The following TEAD4 variants were observed in gnomAD, a reference collection of about 807,000 sequenced individuals.
TEAD4 encodes the protein TEA domain transcription factor 4.
TEAD4 carries 36 observed loss-of-function variants against 52.4 expected under a neutral mutation model. The observed-to-expected ratio is 0.69, with a 90% confidence interval of 0.53 to 0.91. The LOEUF (loss-of-function observed/expected upper bound fraction) is 0.91, where lower values mean the gene tolerates loss of function less well. TEAD4 is among the 40% of genes least tolerant of loss of function. TEAD4 has a pLI of 0.00. For missense variants in TEAD4, 508 were observed against 583.9 expected, an observed-to-expected ratio of 0.87 and a Z score of 1.34; for synonymous variants, 220 against 231.0, an observed-to-expected ratio of 0.95 and a Z score of 0.43.
intron 2 of TEAD4, among the ~76,000 whole-genome samples, chr12:2,976,850 A>G (rs945749989): frequency 7.2e-5 from 11 of 152,104 alleles, no homozygotes; most frequent in African/African-American, 2.4e-4. Context: ...GGCCTGCAGC[A>G]TTTAGGAATC....
intron 3 of TEAD4, among the ~76,000 whole-genome samples, chr12:3,002,758 T>C (rs945388511): frequency 1.3e-5 from 2 of 151,922 alleles, no homozygotes; most frequent in Non-Finnish European, 2.9e-5. Context: ...CGGGGGAGCA[T>C]GACTAGGACA....
At chr12:3,005,360 C>T (rs998899741) in intron 3 of TEAD4, among the ~76,000 whole-genome samples, 2 of 152,220 alleles carry the variant, frequency 1.3e-5, no homozygotes, top group Non-Finnish European at 2.9e-5. Flanking sequence ...GTGGTGTGAT[C>T]ACAGCTCACT....
chr12:3,000,948 C>T (rs994111954), intron 3 of TEAD4, among the ~76,000 whole-genome samples: 6 of 152,160 alleles, frequency 3.9e-5, no homozygotes, highest in South Asian at 4.1e-4. Context: ...TCCTGCCCCC[C>T]GCTTCTTCAC....
chr12:2,971,580 A>AGT, intron 2 of TEAD4, among the ~76,000 whole-genome samples: 1 of 147,634 alleles, frequency 6.8e-6, no homozygotes. Flanking sequence ...GGTTCATGCC[A>AGT]TTCTCCCGCC....
At position 2,974,087 on chromosome 12, in the gene TEAD4, A is replaced by G. The variant is rs558411305; in HGVS notation, c.-30+14047A>G. On this transcript the variant is annotated intron_variant, in intron 2 of 12. Transcript: ENST00000359864. The stretch of plus-strand genomic sequence containing the variant: ...TAGTGTCACGATCTTGGCTCACTGC[A>G]GCCTCTGTCTCCCAGGTTTTCAAGG... Among the ~76,000 whole-genome samples, 83 of 152,240 alleles carry G rather than the reference A, an allele frequency of 5.5e-4. 1 individual carries two copies. Among genetic ancestry groups the G allele is most frequent in the African/African-American group, 1.8e-3 (76 of 41,554 alleles).
chr12:3,010,087 C>T (rs1192188798), intron 3 of TEAD4, among the ~76,000 whole-genome samples: 3 of 152,232 alleles, frequency 2.0e-5, no homozygotes, highest in African/African-American at 7.2e-5. Flanking sequence ...TGCCTCTCCT[C>T]ATCCGATGCT....
At chr12:2,966,472 G>A (rs1314850060) in intron 2 of TEAD4, among the ~76,000 whole-genome samples, 1 of 150,450 alleles carries the variant, frequency 6.6e-6, no homozygotes, top group Non-Finnish European at 1.5e-5. Context: ...GTGCAGTGGC[G>A]TGATCTTGGC....
At chr12:3,005,384 C>T (rs2098255019) in intron 3 of TEAD4, among the ~76,000 whole-genome samples, 1 of 152,236 alleles carries the variant, frequency 6.6e-6, no homozygotes, top group African/African-American at 2.4e-5. Flanking sequence ...GCCTCAATCT[C>T]CTGGACTCAA....
intron 2 of TEAD4, among the ~76,000 whole-genome samples, chr12:2,970,332 C>T (rs2153952706): frequency 6.6e-6 from 1 of 152,306 alleles, no homozygotes; most frequent in South Asian, 2.1e-4. Context: ...GCCAGCCCGC[C>T]TGGGTTTGAA....
intron 2 of TEAD4, among the ~76,000 whole-genome samples, chr12:2,988,325 C>G (rs551438158): frequency 5.2e-4 from 79 of 151,942 alleles, no homozygotes; most frequent in Admixed American, 9.8e-4. Flanking sequence ...CCAGCCTGGC[C>G]AACATGGCGA....
At position 3,031,289 on chromosome 12, in the gene TEAD4, C is replaced by T. The variant is rs77791476; in HGVS notation, c.898-6679C>T. ...CCTGACTCAGCGGAAGGAGCTTAGGCGAGCTGATCTGTGGCTCTTTCCCGG... is the reference window on the plus strand; with the variant it reads ...CCTGACTCAGCGGAAGGAGCTTAGGTGAGCTGATCTGTGGCTCTTTCCCGG... On this transcript the variant is annotated intron_variant, in intron 10 of 12. Coordinates refer to ENST00000359864, the MANE Select transcript of TEAD4 (RefSeq NM_003213.4). Among the ~76,000 whole-genome samples the T allele has an allele frequency of 3.7e-3, 565 of 152,302 alleles. 3 individuals carry two copies. Among genetic ancestry groups the T allele is most frequent in the African/African-American group, 0.012 (499 of 41,554 alleles).
At chr12:2,974,298 C>G (rs1475351047) in intron 2 of TEAD4, among the ~76,000 whole-genome samples, 1 of 152,188 alleles carries the variant, frequency 6.6e-6, no homozygotes, top group Admixed American at 6.5e-5. Flanking sequence ...CCACCGTGCC[C>G]GGCCAGCTTT....
At chr12:3,005,434 C>T (rs537645455) in intron 3 of TEAD4, among the ~76,000 whole-genome samples, 17 of 152,304 alleles carry the variant, frequency 1.1e-4, no homozygotes, top group African/African-American at 3.6e-4. Context: ...GTTGGGACTA[C>T]AGGCATGTGC....
At chr12:2,971,670 T>A (rs1162099845) in intron 2 of TEAD4, among the ~76,000 whole-genome samples, 1 of 151,162 alleles carries the variant, frequency 6.6e-6, no homozygotes, top group Non-Finnish European at 1.5e-5. Flanking sequence ...AGAGACGGGG[T>A]TTCACCATGT....
At chr12:3,032,395 C>T (rs920851010) in intron 10 of TEAD4, among the ~76,000 whole-genome samples, 3 of 152,148 alleles carry the variant, frequency 2.0e-5, no homozygotes, top group Admixed American at 2.0e-4. Flanking sequence ...GCGCGAGTCT[C>T]GGGGTCCTGG....
At chr12:2,999,963 TC>T (rs2098250410) in intron 3 of TEAD4, among the ~76,000 whole-genome samples, 1 of 152,126 alleles carries the variant, frequency 6.6e-6, no homozygotes, top group South Asian at 2.1e-4. Context: ...TCCCGAGTCT[TC>T]CTGCCTCTTT....
intron 2 of TEAD4, among the ~76,000 whole-genome samples, chr12:2,964,221 G>A (rs2098218313): frequency 6.6e-6 from 1 of 152,188 alleles, no homozygotes; most frequent in Non-Finnish European, 1.5e-5. Context: ...CTCCGCTCGT[G>A]CCACGCTCGC....
rs150018639 is a variant in TEAD4 at position 2,971,106 on chromosome 12, T to C, written c.-30+11066T>C. Reference sequence around the variant, plus strand: ...GGCACTGTGCTAGGTGCAGCGGGAGTATGGAACGGAAGCCCTGGTTCCTGT... The same window carrying C: ...GGCACTGTGCTAGGTGCAGCGGGAGCATGGAACGGAAGCCCTGGTTCCTGT... On this transcript the variant is annotated intron_variant, in intron 2 of 12. Coordinates refer to ENST00000359864, the MANE Select transcript of TEAD4 (RefSeq NM_003213.4). Among the ~76,000 whole-genome samples the C allele has an allele frequency of 5.4e-3, 820 of 152,090 alleles. 6 individuals are homozygous for C. Among genetic ancestry groups the C allele is most frequent in the African/African-American group, 0.019 (778 of 41,480 alleles).
Position 3,003,890 on chromosome 12 carries a change from C to A in TEAD4, c.227-7114C>A, listed in dbSNP as rs192546555. On this transcript the variant is annotated intron_variant, in intron 3 of 12. Coordinates refer to ENST00000359864, the MANE Select transcript of TEAD4 (RefSeq NM_003213.4). ...TATGCAGCTAGGGGCAGAGCTGGGACAAGGACAAGGACAAGCCCCTCCCAC... is the reference window on the plus strand; with the variant it reads ...TATGCAGCTAGGGGCAGAGCTGGGAAAAGGACAAGGACAAGCCCCTCCCAC... 1.9e-3 allele frequency among the ~76,000 whole-genome samples: 289 copies of A among 152,330 alleles called. 3 individuals are homozygous for A. Among genetic ancestry groups the A allele is most frequent in the Non-Finnish European group, 2.0e-3 (139 of 68,030 alleles).
Sources: gnomAD v4.1 joint callset for allele counts (sites outside exome capture counted in the v4.1 genomes callset) on GRCh38, gnomAD v4.1.1 for gene constraint, MANE v1.5 for transcripts, NCBI Gene and HGNC (gene_info 2026-07-23, HGNC 2026-07-21) for gene names.